The following DISP3 variants were observed in gnomAD, a reference collection of about 807,000 sequenced individuals.
DISP3 encodes dispatched RND transporter family member 3, also known as protein dispatched homolog 3.
A neutral mutation model predicts 135.3 loss-of-function variants in DISP3; 101 were observed. The observed-to-expected ratio is 0.75, with a 90% CI of 0.64 to 0.88. The LOEUF (loss-of-function observed/expected upper bound fraction) is 0.88. Ranked by LOEUF, DISP3 falls within the 40% of genes least tolerant of loss-of-function variation. The probability of loss-of-function intolerance (pLI) is 0.00; values close to 1 mark genes in which losing one functional copy is unlikely to be tolerated. For synonymous variants in DISP3, 856 were observed against 817.0 expected (o/e 1.05, Z -0.81); for missense variants, 1,713 against 1,878.6 (o/e 0.91, Z 1.63).
rs1557601716 is a variant in DISP3, at chr1:11,502,840, C to A, written c.1259C>A (p.Ala420Asp). Reference protein sequence around the residue: ...SVDDRWEEQRAKFQSFVVTYV... With the variant: ...SVDDRWEEQRDKFQSFVVTYV... Reference sequence around the variant, plus strand: ...GATGACCGCTGGGAGGAACAACGGGCTAAGTTTCAGAGCTTCGTGGTCACC... The same window carrying A: ...GATGACCGCTGGGAGGAACAACGGGATAAGTTTCAGAGCTTCGTGGTCACC... The change falls in exon 3 of 21, where the codon GCT becomes GAT. Residue 420 changes from alanine to aspartate, a missense_variant. Ala to Asp is a moderately radical substitution (Grantham distance 126, BLOSUM62 -2). Around this residue, in one of 2 missense-constraint regions of DISP3, gnomAD observed 1,142 missense variants for 1,384.6 expected, o/e 0.82. Coordinates refer to ENST00000294484, the MANE Select transcript of DISP3 (RefSeq NM_020780.2). 2 of 1,614,220 alleles carry A rather than the reference C, an allele frequency of 1.2e-6. No individual in the cohort carries two copies. The highest frequency in any genetic ancestry group is 1.7e-6 in the Non-Finnish European group (2 of 1,180,046).
chr1:11,526,030 T>A (rs1023642330), intron 12 of DISP3, among the ~76,000 whole-genome samples: 7 of 152,092 alleles, frequency 4.6e-5, no homozygotes, highest in Non-Finnish European at 5.9e-5. Context: ...CCAGGCTCAT[T>A]TGTGTTTCTT....
intron 12 of DISP3, 28 bp downstream of exon 12, chr1:11,525,340 C>T (rs201955627): frequency 9.6e-5 from 153 of 1,600,684 alleles, no homozygotes; most frequent in Non-Finnish European, 1.2e-4. Flanking sequence ...TGAAGTGAGC[C>T]GCCACCACTG....
At chr1:11,490,098 C>A (rs564305095) in intron 1 of DISP3, among the ~76,000 whole-genome samples, 33 of 151,908 alleles carry the variant, frequency 2.2e-4, no homozygotes, top group Admixed American at 1.6e-3. Flanking sequence ...ACACCCAGGA[C>A]TTGGGACTGA....
In DISP3 at chr1:11,528,320, C is replaced by T. The variant is rs111819667; in HGVS notation, c.2799-1236C>T. On this transcript the variant is annotated intron_variant, in intron 13 of 20. Transcript: ENST00000294484. Reference sequence around the variant, plus strand: ...GCATTCTGTGCTCTCGGGATCTCCACGCCATCCAGGGGCACCTTTTCTGGG... The same window carrying T: ...GCATTCTGTGCTCTCGGGATCTCCATGCCATCCAGGGGCACCTTTTCTGGG... Among the ~76,000 whole-genome samples, 46 of 152,264 alleles carry T rather than the reference C, an allele frequency of 3.0e-4. 1 individual carries two copies. The highest frequency in any genetic ancestry group is 9.6e-4 in the African/African-American group (40 of 41,546).
At chr1:11,521,075 C>T (rs116309534) in intron 10 of DISP3, among the ~76,000 whole-genome samples, 2,019 of 152,160 alleles carry the variant, frequency 0.013, 42 homozygotes, top group African/African-American at 0.045. Context: ...ATAGGCTTCC[C>T]AAGCTCAGGG....
In DISP3 at chr1:11,531,824, G is replaced by A. The variant is rs184979073; in HGVS notation, c.3375+114G>A. Reference sequence around the variant, plus strand: ...GGGAGATGCTGAGGCCCAGAGAGGTGGAGTGACTTGCCTGAGGTCACATAG... The same window carrying A: ...GGGAGATGCTGAGGCCCAGAGAGGTAGAGTGACTTGCCTGAGGTCACATAG... On this transcript the variant is annotated intron_variant, in intron 17 of 20. Coordinates refer to ENST00000294484, the MANE Select transcript of DISP3 (RefSeq NM_020780.2). The surrounding 1 kb of genome is among the most constrained non-coding windows in gnomAD (Gnocchi z 5.2). 33 of 1,414,290 alleles carry A rather than the reference G, an allele frequency of 2.3e-5. No homozygotes were observed. In the Admixed American group the frequency reaches 7.7e-4, roughly 33 times the overall value. The allele number at this position is 1,414,290 out of a possible 1,614,324, so 87.6% of individuals were successfully genotyped here. A position where few individuals can be genotyped will look rare whatever the true frequency, so the allele number is the denominator to read the frequency against.
chr1:11,484,700 G>T (rs2100352570), intron 1 of DISP3, among the ~76,000 whole-genome samples: 1 of 152,322 alleles, frequency 6.6e-6, no homozygotes, highest in Middle Eastern at 3.4e-3. Flanking sequence ...TTTGGAAAAG[G>T]CTGTTGGGTG....
intron 11 of DISP3, among the ~76,000 whole-genome samples, chr1:11,524,737 C>G (rs1342928748): frequency 7.8e-6 from 1 of 128,324 alleles, no homozygotes; most frequent in Non-Finnish European, 1.7e-5. Flanking sequence ...CTGTGCCTAC[C>G]ATCTCCCCCA....
chr1:11,505,105 C>T (rs1008960151), intron 3 of DISP3, among the ~76,000 whole-genome samples: 1 of 152,186 alleles, frequency 6.6e-6, no homozygotes, highest in Admixed American at 6.5e-5. Context: ...TCAACAACAT[C>T]GGCATCACCT....
rs1641446680 is a variant in DISP3 at position 11,499,705 on chromosome 1, C to T, written c.-3-1285C>T. 6.7e-6 allele frequency among the ~76,000 whole-genome samples: 1 copy of T among 149,684 alleles called. No homozygotes were observed. The highest frequency in any genetic ancestry group is 1.5e-5 in the Non-Finnish European group (1 of 67,902). ...TTTGCATCTCAGTCTCTCCCTCATC[C>T]CCCACCATTCCACTCTCCCTTCGGT... is the stretch of plus-strand genomic sequence containing the variant. On this transcript the variant is annotated intron_variant, in intron 1 of 20. Transcript: ENST00000294484. The surrounding 1 kb of genome is among the most constrained non-coding windows in gnomAD (Gnocchi z 5.2).
In DISP3 at chr1:11,532,695, G is replaced by T. The variant is rs1039661997; in HGVS notation, c.3375+985G>T. 3.9e-5 allele frequency among the ~76,000 whole-genome samples: 6 copies of T among 152,030 alleles called. No homozygotes were observed. The South Asian group carries it at 6.3e-4, about 16-fold the overall frequency. On this transcript the variant is annotated intron_variant, in intron 17 of 20. Coordinates refer to ENST00000294484, the MANE Select transcript of DISP3 (RefSeq NM_020780.2). ...AAGGTAAAATTGACCATCTTAACCG[G>T]TTTTTTTGTTTGTTTGTTTGTTTTG...
chr1:11,518,138 A>G (rs1397495906), intron 7 of DISP3, among the ~76,000 whole-genome samples: 1 of 152,020 alleles, frequency 6.6e-6, no homozygotes, highest in Non-Finnish European at 1.5e-5. Context: ...ATGGAGGTGG[A>G]TGGTGGTGGA....
At chr1:11,500,225 G>A (rs1228481570) in intron 1 of DISP3, among the ~76,000 whole-genome samples, 1 of 152,254 alleles carries the variant, frequency 6.6e-6, no homozygotes, top group Non-Finnish European at 1.5e-5. Context: ...GAAGGGGTGG[G>A]AAGCTACTGA....
intron 1 of DISP3, among the ~76,000 whole-genome samples, chr1:11,495,796 C>T (rs987572958): frequency 1.3e-5 from 2 of 152,238 alleles, no homozygotes; most frequent in African/African-American, 4.8e-5. Context: ...CTTCTGCTTT[C>T]TCACTGGGCG....
At chr1:11,498,582 G>A (rs1049168212) in intron 1 of DISP3, among the ~76,000 whole-genome samples, 1 of 152,196 alleles carries the variant, frequency 6.6e-6, no homozygotes, top group African/African-American at 2.4e-5. Flanking sequence ...TTGCCTGCTT[G>A]ATGGGAGGAG....
At chr1:11,487,396 C>T (rs147381774) in intron 1 of DISP3, among the ~76,000 whole-genome samples, 11 of 152,332 alleles carry the variant, frequency 7.2e-5, no homozygotes, top group Non-Finnish European at 1.5e-4. Flanking sequence ...GGTAATGGGG[C>T]GGCTGCCACC....
At chr1:11,487,707 C>G (rs935166706) in intron 1 of DISP3, among the ~76,000 whole-genome samples, 3 of 152,220 alleles carry the variant, frequency 2.0e-5, no homozygotes, top group Non-Finnish European at 2.9e-5. Context: ...AGTAGAGAGA[C>G]TGACTCCCTG....
Position 11,498,760 on chromosome 1 carries a change from G to A in DISP3, c.-3-2230G>A, listed in dbSNP as rs918480231. Among the ~76,000 whole-genome samples the A allele has an allele frequency of 4.9e-4, 75 of 152,104 alleles. 1 individual carries two copies. The highest frequency in any genetic ancestry group is 3.3e-4 in the Admixed American group (5 of 15,268). On this transcript the variant is annotated intron_variant, in intron 1 of 20. Transcript: ENST00000294484. ...TTTCCCAAGCACTTATACCTACCAG[G>A]CACCGTACTCAGTCTGTTGTGTACG...
intron 1 of DISP3, among the ~76,000 whole-genome samples, chr1:11,488,288 C>T (rs1268286907): frequency 6.6e-6 from 1 of 152,212 alleles, no homozygotes; most frequent in Non-Finnish European, 1.5e-5. Context: ...TAGGCAGCTG[C>T]ATCATTGTGG....
Sources: gnomAD v4.1 joint callset for allele counts (sites outside exome capture counted in the v4.1 genomes callset) on GRCh38, gnomAD v4.1.1 for gene constraint, gnomAD v4.1.1 regional missense constraint, Gnocchi (gnomAD v3.1) non-coding constraint, MANE v1.5 for transcripts, NCBI Gene and HGNC (gene_info 2026-07-23, HGNC 2026-07-21) for gene names.